NF1: variants seen among roughly 807,000 people sequenced by gnomAD.
The protein encoded by NF1 is neurofibromin.
A neutral mutation model predicts 325.7 loss-of-function variants in NF1; 122 were observed. The observed-to-expected ratio is 0.37, with a 90% CI of 0.32 to 0.44. The LOEUF (loss-of-function observed/expected upper bound fraction) is 0.44. Ranked by LOEUF, NF1 falls within the 20% of genes least tolerant of loss-of-function variation. NF1 has a pLI of 1.00. For synonymous variants in NF1, 1,091 were observed against 1,186.0 expected (o/e 0.92, Z 1.65); for missense variants, 2,140 against 3,415.4 (o/e 0.63, Z 9.31).
chr17:31,115,712 G>C (rs1488179187), intron 1 of NF1, among the ~76,000 whole-genome samples: 1 of 152,114 alleles, frequency 6.6e-6, no homozygotes, highest in African/African-American at 2.4e-5. Context: ...TGTGAAATGA[G>C]TACCTTGATC....
At position 31,343,017 on chromosome 17, in the gene NF1, G is replaced by A. The variant is rs1368077280; in HGVS notation, c.7071G>A (p.Glu2357=). ...ATGATTATCTTTAATAGAGTCCAGA[G>A]GAAGTATTTATGGCAATCCGGAATC... The part of the protein sequence containing the change: ...SLRIFNDKSP[E]EVFMAIRNPL... The change falls in exon 48 of 58, where the codon GAG becomes GAA. Residue 2357 remains glutamate (E), a synonymous_variant. Transcript: ENST00000358273. 6.2e-7 allele frequency: 1 copy of A among 1,613,948 alleles called. No homozygotes were observed. Among genetic ancestry groups the A allele is most frequent in the African/African-American group, 1.3e-5 (1 of 74,898 alleles).
In NF1 at chr17:31,232,742, A is replaced by G. The variant is rs2151434537; in HGVS notation, c.3357A>G (p.Glu1119=). ...TGAACCTTTTGAATGACTGCAGTGA[A>G]GTTGAAGATGAAAGTGCGCAAACAG... The part of the protein sequence containing the change: ...LFMNLLNDCS[E]VEDESAQTGG... The change falls in exon 26 of 58, where the codon GAA becomes GAG. Residue 1119 remains glutamate (E), a synonymous_variant. Coordinates refer to ENST00000358273, the MANE Select transcript of NF1 (RefSeq NM_001042492.3). 1.2e-6 allele frequency: 2 copies of G among 1,613,860 alleles called. No homozygotes were observed. The highest frequency in any genetic ancestry group is 1.7e-6 in the Non-Finnish European group (2 of 1,179,968).
intron 36 of NF1, chr17:31,321,045 C>T (rs2069174834): frequency 6.6e-6 from 1 of 152,170 alleles, no homozygotes. Context: ...CAAAATGAGA[C>T]TTTCTCTTGC....
At chr17:31,223,414 C>T (rs2144014828) in intron 15 of NF1, 30 bp from the exon 16 acceptor site, 1 of 1,607,708 alleles carries the variant, frequency 6.2e-7, no homozygotes, top group South Asian at 1.1e-5. Flanking sequence ...ATTGATGATG[C>T]TAGTAACAAT....
intron 4 of NF1, among the ~76,000 whole-genome samples, chr17:31,165,044 C>T (rs2065822437): frequency 6.6e-6 from 1 of 152,122 alleles, no homozygotes; most frequent in South Asian, 2.1e-4. Context: ...CTATTTGAAA[C>T]ACCTGTTAAA....
At chr17:31,292,765 A>G (rs1003655721) in intron 36 of NF1, among the ~76,000 whole-genome samples, 1 of 152,222 alleles carries the variant, frequency 6.6e-6, no homozygotes, top group African/African-American at 2.4e-5. Flanking sequence ...GACATAATCC[A>G]TAGGTGCTCC....
intron 15 of NF1, 113 bp from the exon 16 acceptor site, chr17:31,223,331 A>G: frequency 2.3e-6 from 3 of 1,280,800 alleles, no homozygotes; most frequent in South Asian, 2.5e-5. Flanking sequence ...TACAAGAAAA[A>G]CTAAGCTTCT....
chr17:31,237,344 G>A (rs531679967), intron 29 of NF1, among the ~76,000 whole-genome samples: 14 of 152,090 alleles, frequency 9.2e-5, no homozygotes, highest in South Asian at 4.2e-4. Context: ...GCACCATCTC[G>A]GCTCACTGCA....
intron 36 of NF1, among the ~76,000 whole-genome samples, chr17:31,313,759 A>T (rs898122450): frequency 4.1e-5 from 6 of 144,598 alleles, no homozygotes; most frequent in Non-Finnish European, 6.1e-5. Context: ...TGTGTGTGTG[A>T]GATTAAATAA....
chr17:31,296,848 T>G (rs990497048), intron 36 of NF1: 2 of 160,086 alleles, frequency 1.2e-5, no homozygotes, highest in African/African-American at 4.8e-5. Context: ...TATCTGTATG[T>G]TTTTAGGATA....
At chr17:31,370,116 C>T (rs1597879526) in intron 57 of NF1, among the ~76,000 whole-genome samples, 1 of 152,078 alleles carries the variant, frequency 6.6e-6, no homozygotes, top group Middle Eastern at 3.4e-3. Flanking sequence ...CCACATTTAC[C>T]TATGTGTGAT....
At chr17:31,162,035 C>CAAAA (rs781244510) in intron 3 of NF1, among the ~76,000 whole-genome samples, 36 of 53,654 alleles carry the variant, frequency 6.7e-4, no homozygotes, top group Admixed American at 1.8e-3. Flanking sequence ...GACTCCATCT[C>CAAAA]AAAAAAAAAA....
At chr17:31,148,760 A>G (rs1260914197) in intron 1 of NF1, among the ~76,000 whole-genome samples, 1 of 152,086 alleles carries the variant, frequency 6.6e-6, no homozygotes, top group Non-Finnish European at 1.5e-5. Flanking sequence ...TCCTCTCTTT[A>G]TACCATTAAA....
intron 27 of NF1, among the ~76,000 whole-genome samples, chr17:31,234,670 CAAAAAAAAAAAA>C (rs754308242): frequency 7.1e-5 from 4 of 56,236 alleles, no homozygotes; most frequent in Admixed American, 2.2e-4. Flanking sequence ...GACTCTGTCT[CAAAAAAAAAAAA>C]AAAAAAAAAA....
chr17:31,346,818 CTTTTTTT>C (rs59155043), intron 48 of NF1, among the ~76,000 whole-genome samples: 5 of 108,218 alleles, frequency 4.6e-5, no homozygotes, highest in South Asian at 2.8e-4. Context: ...AAGAATTTGG[CTTTTTTT>C]TTTTTTTTTT....
intron 5 of NF1, among the ~76,000 whole-genome samples, chr17:31,171,501 T>G (rs2065927480): frequency 6.6e-6 from 1 of 152,178 alleles, no homozygotes; most frequent in African/African-American, 2.4e-5. Context: ...AATAGCTGTT[T>G]AAAACAATAG....
At chr17:31,212,241 T>C (rs561411114) in intron 12 of NF1, among the ~76,000 whole-genome samples, 1 of 152,214 alleles carries the variant, frequency 6.6e-6, no homozygotes, top group Non-Finnish European at 1.5e-5. Flanking sequence ...TCAGTGTTAC[T>C]GTCTTCCACC....
At chr17:31,230,146 CTTA>C in intron 22 of NF1, 111 bp from the exon 23 acceptor site, 1 of 1,424,614 alleles carries the variant, frequency 7.0e-7, no homozygotes, top group Non-Finnish European at 9.8e-7. Context: ...AAATAAATAT[CTTA>C]TTGTTTTCAA....
At chr17:31,275,090 CCAAA>C (rs1272683426) in intron 36 of NF1, among the ~76,000 whole-genome samples, 16 of 152,026 alleles carry the variant, frequency 1.1e-4, no homozygotes, top group Admixed American at 6.6e-5. Flanking sequence ...TCAAATGTTC[CCAAA>C]CAAACAATAG....
Sources: allele counts gnomAD v4.1 joint callset (sites outside exome capture counted in the v4.1 genomes callset), GRCh38; gene constraint gnomAD v4.1.1; transcripts MANE v1.5; gene names NCBI Gene and HGNC (gene_info 2026-07-23, HGNC 2026-07-21).